The following SLIT3 variants were observed in gnomAD, a reference collection of about 807,000 sequenced individuals.
SLIT3 encodes slit homolog 3 protein.
A neutral mutation model predicts 184.0 loss-of-function variants in SLIT3; 68 were observed. That is an observed-to-expected ratio of 0.37 (90% CI 0.30 to 0.45). The LOEUF (loss-of-function observed/expected upper bound fraction) is 0.45. Ranked by LOEUF, SLIT3 falls within the 20% of genes least tolerant of loss-of-function variation. The probability of loss-of-function intolerance (pLI) is 1.00; values close to 1 mark genes in which losing one functional copy is unlikely to be tolerated. For synonymous variants in SLIT3, 831 were observed against 828.6 expected (o/e 1.00, Z -0.05); for missense variants, 1,707 against 2,026.0 (o/e 0.84, Z 3.02).
In SLIT3 at chr5:168,768,484, C is replaced by T. The variant is rs543375947; in HGVS notation, c.1459+4297G>A. On this transcript the variant is annotated intron_variant, in intron 14 of 35. Transcript: ENST00000519560. ...AGGGAAATCACTGGATGCCCATACT[C>T]GGGAGCTTCAGGACAGCATGGTTCC... Among the ~76,000 whole-genome samples the T allele has an allele frequency of 7.9e-5, 12 of 152,252 alleles. No individual in the cohort carries two copies. The East Asian group carries it at 2.1e-3, about 27-fold the overall frequency.
chr5:169,090,281 T>A (rs1197287659), intron 4 of SLIT3, among the ~76,000 whole-genome samples: 1 of 151,956 alleles, frequency 6.6e-6, no homozygotes, highest in African/African-American at 2.4e-5. Context: ...GAAATAATAG[T>A]AATAATAATG....
At chr5:169,235,895 G>C (rs72837963) in intron 3 of SLIT3, among the ~76,000 whole-genome samples, 3,197 of 152,262 alleles carry the variant, frequency 0.021, 68 homozygotes, top group Non-Finnish European at 0.036. Flanking sequence ...CACTGACCTT[G>C]ATCACACGGC....
At chr5:168,890,116 G>A (rs1760389334) in intron 4 of SLIT3, among the ~76,000 whole-genome samples, 2 of 148,326 alleles carry the variant, frequency 1.3e-5, no homozygotes, top group African/African-American at 5.1e-5. Context: ...CCCCAGCCTG[G>A]GTGACAAGCG....
intron 4 of SLIT3, among the ~76,000 whole-genome samples, chr5:169,153,942 C>A (rs1341456192): frequency 2.2e-4 from 34 of 151,892 alleles, no homozygotes; most frequent in Non-Finnish European, 4.4e-5. Context: ...CCAGCTGTAA[C>A]CTTGACAGAC....
intron 14 of SLIT3, among the ~76,000 whole-genome samples, chr5:168,765,538 T>C (rs1319631193): frequency 6.6e-6 from 1 of 152,202 alleles, no homozygotes; most frequent in Non-Finnish European, 1.5e-5. Flanking sequence ...CATCACTTCA[T>C]ATTTCATTAC....
At chr5:169,193,125 A>G (rs1232963299) in intron 4 of SLIT3, among the ~76,000 whole-genome samples, 2 of 152,202 alleles carry the variant, frequency 1.3e-5, no homozygotes, top group Non-Finnish European at 2.9e-5. Context: ...GACCACTGAC[A>G]GTCTCGTGTG....
intron 1 of SLIT3, among the ~76,000 whole-genome samples, chr5:169,265,142 C>T (rs948423613): frequency 1.6e-4 from 24 of 147,804 alleles, no homozygotes; most frequent in Non-Finnish European, 3.0e-4. Flanking sequence ...TTGCTCAGTT[C>T]AGCTCCATGC....
At chr5:168,856,815 G>GCA (rs1758896333) in intron 5 of SLIT3, among the ~76,000 whole-genome samples, 6 of 151,054 alleles carry the variant, frequency 4.0e-5, no homozygotes, top group Admixed American at 6.6e-5. Context: ...GTGCGCGCGC[G>GCA]CGCACGCCTT....
At chr5:168,677,774 G>A (rs371575257) in intron 32 of SLIT3, among the ~76,000 whole-genome samples, 3 of 152,178 alleles carry the variant, frequency 2.0e-5, no homozygotes, top group Non-Finnish European at 2.9e-5. Flanking sequence ...TGGGCAATAC[G>A]TGGCCTGTGA....
At chr5:169,170,237 G>C (rs1239031820) in intron 4 of SLIT3, among the ~76,000 whole-genome samples, 2 of 152,180 alleles carry the variant, frequency 1.3e-5, no homozygotes, top group African/African-American at 4.8e-5. Context: ...ATGTTGCTAG[G>C]CACCCTATTC....
At chr5:169,233,790 T>A (rs1317343274) in intron 3 of SLIT3, among the ~76,000 whole-genome samples, 1 of 152,176 alleles carries the variant, frequency 6.6e-6, no homozygotes, top group Non-Finnish European at 1.5e-5. Flanking sequence ...GGCTCCTCTC[T>A]CTCCTTCCCT....
chr5:169,052,944 C>A (rs1757867090), intron 4 of SLIT3, among the ~76,000 whole-genome samples: 1 of 152,188 alleles, frequency 6.6e-6, no homozygotes, highest in Admixed American at 6.5e-5. Context: ...GGTAAACAGG[C>A]TGAAAGGCAC....
intron 4 of SLIT3, among the ~76,000 whole-genome samples, chr5:168,969,276 T>G (rs566695568): frequency 3.9e-5 from 6 of 152,162 alleles, no homozygotes; most frequent in Non-Finnish European, 7.3e-5. Flanking sequence ...TCAACCTGAA[T>G]GCAGACAAGC....
chr5:168,728,039 G>A (rs904220348), intron 20 of SLIT3, among the ~76,000 whole-genome samples: 4 of 152,042 alleles, frequency 2.6e-5, no homozygotes, highest in Admixed American at 2.6e-4. Flanking sequence ...GATTGACAGT[G>A]GCTTCCCACC....
At chr5:169,111,184 C>T (rs1760396315) in intron 4 of SLIT3, among the ~76,000 whole-genome samples, 1 of 152,218 alleles carries the variant, frequency 6.6e-6, no homozygotes, top group African/African-American at 2.4e-5. Flanking sequence ...GGAGCCTTCC[C>T]TGCCCTGGCT....
chr5:169,247,968 G>A (rs570758543), intron 2 of SLIT3, among the ~76,000 whole-genome samples: 25 of 152,268 alleles, frequency 1.6e-4, no homozygotes, highest in African/African-American at 5.5e-4. Flanking sequence ...TTCCTGTCAG[G>A]TTCAGCCAAA....
At chr5:169,123,869 C>T (rs984757230) in intron 4 of SLIT3, among the ~76,000 whole-genome samples, 3 of 151,964 alleles carry the variant, frequency 2.0e-5, no homozygotes, top group Non-Finnish European at 4.4e-5. Context: ...TTCTAGGGGG[C>T]CAAAAAACCA....
intron 4 of SLIT3, among the ~76,000 whole-genome samples, chr5:169,056,581 T>C (rs1758008034): frequency 6.6e-6 from 1 of 151,148 alleles, no homozygotes; most frequent in Admixed American, 6.6e-5. Context: ...CAGACATTCA[T>C]AGCTGGCGAT....
At chr5:168,887,920 T>G (rs1400874676) in intron 4 of SLIT3, among the ~76,000 whole-genome samples, 2 of 152,184 alleles carry the variant, frequency 1.3e-5, no homozygotes, top group African/African-American at 4.8e-5. Context: ...TACGTAAATG[T>G]TGCTGTACTC....
Sources: gnomAD v4.1 joint callset for allele counts (sites outside exome capture counted in the v4.1 genomes callset) on GRCh38, gnomAD v4.1.1 for gene constraint, MANE v1.5 for transcripts, NCBI Gene and HGNC (gene_info 2026-07-23, HGNC 2026-07-21) for gene names.